DESI2: variants seen among roughly 807,000 people sequenced by gnomAD.
The protein encoded by DESI2 is deubiquitinase DESI2.
Under a neutral mutation model 24.1 loss-of-function variants are expected in DESI2, and 10 were observed. The ratio of observed to expected loss-of-function variants is 0.41; its 90% confidence interval spans 0.26 to 0.70. DESI2 has a LOEUF of 0.70. Among genes scored for constraint, DESI2 ranks in the 30% least tolerant of loss-of-function variants. The pLI is 0.29. For synonymous variants in DESI2, 71 were observed against 87.7 expected (o/e 0.81, Z 1.06); for missense variants, 122 against 234.9 (o/e 0.52, Z 3.14).
In DESI2 at chr1:244,708,987, A is replaced by G. The variant is rs535738328; in HGVS notation, c.*3198A>G. The stretch of plus-strand genomic sequence containing the variant: ...TGATATAGCATTGGGCTATCATGTT[A>G]CAACATTGAAATACATTGATTTATT... On this transcript the variant is annotated 3_prime_UTR_variant, in exon 5 of 5. Transcript: ENST00000302550. 6 of 152,626 alleles carry G rather than the reference A, an allele frequency of 3.9e-5. No individual in the cohort carries two copies. In the East Asian group the frequency reaches 1.2e-3, roughly 29 times the overall value. The allele number at this position is 152,626 out of a possible 1,614,324, so 9.5% of individuals were successfully genotyped here.
At chr1:244,668,356 C>T (rs1676119821) in intron 1 of DESI2, among the ~76,000 whole-genome samples, 1 of 152,176 alleles carries the variant, frequency 6.6e-6, no homozygotes, top group Admixed American at 6.5e-5. Flanking sequence ...GGTAGTTTAA[C>T]AGTGTAAACT....
At chr1:244,688,788 C>T (rs1327129802) in intron 2 of DESI2, among the ~76,000 whole-genome samples, 1 of 152,080 alleles carries the variant, frequency 6.6e-6, no homozygotes, top group Non-Finnish European at 1.5e-5. Flanking sequence ...TGGTAATGTT[C>T]CACCCTACTC....
intron 1 of DESI2, among the ~76,000 whole-genome samples, chr1:244,657,369 C>G (rs778251807): frequency 6.6e-6 from 1 of 152,226 alleles, no homozygotes; most frequent in Non-Finnish European, 1.5e-5. Context: ...CAAACTTCTT[C>G]CCTTTCCTCC....
intron 1 of DESI2, among the ~76,000 whole-genome samples, chr1:244,662,965 C>A (rs1675899217): frequency 6.6e-6 from 1 of 151,918 alleles, no homozygotes; most frequent in Non-Finnish European, 1.5e-5. Flanking sequence ...AGCAGTACCA[C>A]CAGAAAGGGA....
chr1:244,690,921 A>G (rs1372041621), intron 3 of DESI2, among the ~76,000 whole-genome samples: 3 of 152,238 alleles, frequency 2.0e-5, no homozygotes, highest in Non-Finnish European at 4.4e-5. Context: ...CGTAAGTGCT[A>G]TGATACCATC....
Position 244,689,484 on chromosome 1 carries a change from C to T in DESI2, c.209+142C>T, listed in dbSNP as rs2148807933. 3.6e-6 allele frequency: 2 copies of T among 552,666 alleles called. No homozygotes were observed. Among genetic ancestry groups the T allele is most frequent in the South Asian group, 5.5e-5 (2 of 36,208 alleles). 34.2% of individuals were successfully genotyped at this position (552,666 alleles called of 1,614,324 possible). On this transcript the variant is annotated intron_variant, in intron 3 of 4. Transcript: ENST00000302550. The surrounding 1 kb of genome is among the most constrained non-coding windows in gnomAD (Gnocchi z 4.0). ...TTTTAATTGCTGACATTTTATATAACTCAAGTTTGCCTCAGGAAACTCATT... is the reference window on the plus strand; with the variant it reads ...TTTTAATTGCTGACATTTTATATAATTCAAGTTTGCCTCAGGAAACTCATT...
intron 1 of DESI2, among the ~76,000 whole-genome samples, chr1:244,683,311 ATTAC>A (rs536721080): frequency 1.4e-4 from 22 of 152,000 alleles, no homozygotes; most frequent in African/African-American, 5.3e-4. Context: ...GCCATATATT[ATTAC>A]TTTTTTCTTT....
At chr1:244,654,541 C>T (rs1480193588) in intron 1 of DESI2, among the ~76,000 whole-genome samples, 1 of 152,070 alleles carries the variant, frequency 6.6e-6, no homozygotes, top group Admixed American at 6.5e-5. Flanking sequence ...TGAGATGAGT[C>T]CTCTGTTGAA....
Position 244,665,446 on chromosome 1 carries a change from C to T in DESI2, c.42+12091C>T, listed in dbSNP as rs192876859. ...CATCTTACACCCCTCCCTGAACTAACTTCTGCACTCTGTGGCACTCATGGA... is the reference window on the plus strand; with the variant it reads ...CATCTTACACCCCTCCCTGAACTAATTTCTGCACTCTGTGGCACTCATGGA... On this transcript the variant is annotated intron_variant, in intron 1 of 4. Coordinates refer to ENST00000302550, the MANE Select transcript of DESI2 (RefSeq NM_016076.5). 2.2e-3 allele frequency among the ~76,000 whole-genome samples: 339 copies of T among 152,286 alleles called. 1 individual carries two copies. The highest frequency in any genetic ancestry group is 7.9e-3 in the African/African-American group (328 of 41,562).
chr1:244,669,542 G>A (rs549536457), intron 1 of DESI2, among the ~76,000 whole-genome samples: 1 of 152,136 alleles, frequency 6.6e-6, no homozygotes, highest in African/African-American at 2.4e-5. Flanking sequence ...GCTGGGCGTG[G>A]TGGCATATGC....
At chr1:244,703,804 G>A (rs543167994) in intron 4 of DESI2, among the ~76,000 whole-genome samples, 372 of 152,078 alleles carry the variant, frequency 2.4e-3, no homozygotes, top group African/African-American at 8.0e-3. Flanking sequence ...GACTACAGGT[G>A]CCCGCCACCA....
At chr1:244,662,245 A>G (rs1675873603) in intron 1 of DESI2, among the ~76,000 whole-genome samples, 1 of 152,048 alleles carries the variant, frequency 6.6e-6, no homozygotes, top group African/African-American at 2.4e-5. Context: ...CCACTTGTTG[A>G]TGGGGTTGTT....
At chr1:244,654,729 T>G (rs773857670) in intron 1 of DESI2, among the ~76,000 whole-genome samples, 1 of 152,248 alleles carries the variant, frequency 6.6e-6, no homozygotes, top group African/African-American at 2.4e-5. Flanking sequence ...ATTTAAACTT[T>G]TTGTGTTCAG....
At chr1:244,671,602 T>A (rs2148791969) in intron 1 of DESI2, among the ~76,000 whole-genome samples, 1 of 152,352 alleles carries the variant, frequency 6.6e-6, no homozygotes, top group African/African-American at 2.4e-5. Flanking sequence ...ATTATCCATT[T>A]TTCTCAAGTA....
At chr1:244,698,024 AC>A (rs1353523845) in intron 4 of DESI2, among the ~76,000 whole-genome samples, 3 of 152,230 alleles carry the variant, frequency 2.0e-5, no homozygotes, top group Non-Finnish European at 4.4e-5. Context: ...GGGGTCGAAT[AC>A]ATCTGCAGTG....
intron 4 of DESI2, among the ~76,000 whole-genome samples, chr1:244,695,979 A>G (rs1677201446): frequency 6.6e-6 from 1 of 152,124 alleles, no homozygotes. Context: ...TATATTGCCC[A>G]GGCTGGTCTG....
intron 1 of DESI2, among the ~76,000 whole-genome samples, chr1:244,654,508 G>T (rs967940482): frequency 4.6e-5 from 7 of 152,192 alleles, no homozygotes; most frequent in African/African-American, 7.2e-5. Flanking sequence ...TGTGTCAGAA[G>T]GGTGTAGGAA....
Position 244,705,726 on chromosome 1 carries a change from C to T in DESI2, c.522C>T (p.Ala174=), listed in dbSNP as rs1412874946. ...QDELEEAEDA[A]ASASVASTAA... ...AACTGGAGGAAGCAGAGGATGCTGC[C>T]GCATCCGCTTCCGTGGCAAGCACTG... is the stretch of plus-strand genomic sequence containing the variant. The change falls in exon 5 of 5, where the codon GCC becomes GCT. Residue 174 remains alanine (A), a synonymous_variant. Transcript: ENST00000302550. The T allele has an allele frequency of 8.7e-6, 14 of 1,613,744 alleles. No individual in the cohort carries two copies. The highest frequency in any genetic ancestry group is 2.2e-5 in the East Asian group (1 of 44,894).
At chr1:244,694,670 C>T (rs1475471442) in intron 4 of DESI2, 7 of 773,072 alleles carry the variant, frequency 9.1e-6, no homozygotes, top group African/African-American at 1.7e-5. Context: ...AGCAGTGGCA[C>T]GTGTGCGTCT....
Sources: gnomAD v4.1 joint callset for allele counts (sites outside exome capture counted in the v4.1 genomes callset) on GRCh38, gnomAD v4.1.1 for gene constraint, Gnocchi (gnomAD v3.1) non-coding constraint, MANE v1.5 for transcripts, NCBI Gene and HGNC (gene_info 2026-07-23, HGNC 2026-07-21) for gene names.